FAM76A: variants seen among roughly 807,000 people sequenced by gnomAD.
The protein encoded by FAM76A is family with sequence similarity 76 member A.
Under a neutral mutation model 46.2 loss-of-function variants are expected in FAM76A, and 32 were observed. That is an observed-to-expected ratio of 0.69 (90% CI 0.52 to 0.93). The LOEUF (loss-of-function observed/expected upper bound fraction) is 0.93, where lower values mean the gene tolerates loss of function less well. Ranked by LOEUF, FAM76A falls within the 40% of genes least tolerant of loss-of-function variation. The pLI is 0.00. For synonymous variants in FAM76A, 137 were observed against 127.0 expected (o/e 1.08, Z -0.53); for missense variants, 274 against 361.5 (o/e 0.76, Z 1.96).
At chr1:27,755,062 G>A in intron 6 of FAM76A, 133 bp from the exon 7 acceptor site, 1 of 935,968 alleles carries the variant, frequency 1.1e-6, no homozygotes, top group Non-Finnish European at 1.6e-6. Context: ...CCCAGCATGT[G>A]TGGTGCAATG....
At chr1:27,758,679 G>GTTT (rs35065746) in intron 7 of FAM76A, among the ~76,000 whole-genome samples, 17 of 111,330 alleles carry the variant, frequency 1.5e-4, no homozygotes, top group South Asian at 3.1e-4. Flanking sequence ...TTTAATTTTC[G>GTTT]TTTTTTTTTT....
chr1:27,727,653 TAATC>T (rs1331219690), intron 2 of FAM76A, 117 bp downstream of exon 2: 2 of 746,342 alleles, frequency 2.7e-6, no homozygotes, highest in Non-Finnish European at 4.6e-6. Flanking sequence ...TACAGATCTG[TAATC>T]AATCACATTA....
rs1277161521 is a variant in FAM76A, at chr1:27,762,648, GT to G, written c.*2071del. 6.6e-6 allele frequency: 1 copy of G among 152,068 alleles called. No homozygotes were observed. The highest frequency in any genetic ancestry group is 1.5e-5 in the Non-Finnish European group (1 of 68,012). The allele number at this position is 152,068 out of a possible 1,614,324, so 9.4% of individuals were successfully genotyped here. ...GCAAGGGAAATGGCAGTGCTAAATA[GT>G]TTTGTAAAGTTTTTGAATGAGAAGC... On this transcript the variant is annotated 3_prime_UTR_variant, in exon 9 of 9. Coordinates refer to ENST00000373954, the MANE Select transcript of FAM76A (RefSeq NM_152660.3).
intron 4 of FAM76A, among the ~76,000 whole-genome samples, chr1:27,735,453 G>A (rs1420472023): frequency 6.6e-6 from 1 of 152,210 alleles, no homozygotes; most frequent in Admixed American, 6.5e-5. Context: ...AAAGATGGCA[G>A]TTGAGAAACT....
chr1:27,748,091 A>G (rs1050916157), intron 5 of FAM76A, among the ~76,000 whole-genome samples: 1 of 150,322 alleles, frequency 6.7e-6, no homozygotes, highest in East Asian at 1.9e-4. Context: ...GAATTATAAG[A>G]TGCATGTGAG....
intron 5 of FAM76A, among the ~76,000 whole-genome samples, chr1:27,746,197 T>G (rs74065617): frequency 0.17 from 26,310 of 152,064 alleles, 6,010 homozygotes; most frequent in African/African-American, 0.52. Flanking sequence ...GGATGGAGAA[T>G]TATGAGAAAC....
intron 5 of FAM76A, among the ~76,000 whole-genome samples, chr1:27,747,744 C>T (rs538783170): frequency 5.1e-4 from 78 of 152,056 alleles, no homozygotes; most frequent in Non-Finnish European, 4.9e-4. Flanking sequence ...TGGTGAAACC[C>T]GTCTCTACCA....
intron 6 of FAM76A, among the ~76,000 whole-genome samples, chr1:27,750,707 C>T (rs1187122460): frequency 6.6e-6 from 1 of 152,170 alleles, no homozygotes; most frequent in Non-Finnish European, 1.5e-5. Context: ...TGAGATACTG[C>T]CACTATTCTT....
At chr1:27,733,277 C>T (rs1294701622) in intron 3 of FAM76A, among the ~76,000 whole-genome samples, 2 of 152,106 alleles carry the variant, frequency 1.3e-5, no homozygotes, top group African/African-American at 4.8e-5. Flanking sequence ...TAACAGTTGA[C>T]TAGTCATTTT....
intron 4 of FAM76A, among the ~76,000 whole-genome samples, chr1:27,741,756 G>T (rs184905413): frequency 6.6e-6 from 1 of 151,670 alleles, no homozygotes; most frequent in Non-Finnish European, 1.5e-5. Flanking sequence ...GGTGGTGGGC[G>T]CCTGTAATCC....
chr1:27,749,028 T>G (rs1213519631), intron 5 of FAM76A, 40 bp from the exon 6 acceptor site: 12 of 1,351,502 alleles, frequency 8.9e-6, no homozygotes, highest in Non-Finnish European at 1.1e-5. Flanking sequence ...TGTTAATCTT[T>G]GATTTCTAAT....
intron 8 of FAM76A, 141 bp downstream of exon 8, chr1:27,759,768 T>TTTTTTTTTTTGTA (rs1557789979): frequency 4.8e-6 from 3 of 622,580 alleles, no homozygotes; most frequent in African/African-American, 4.4e-5. Context: ...CCTTTTAGGT[T>TTTTTTTTTTTGTA]TTTTTTTTTT....
intron 7 of FAM76A, 122 bp downstream of exon 7, chr1:27,755,452 C>G (rs2088395113): frequency 2.3e-6 from 3 of 1,290,846 alleles, no homozygotes; most frequent in Admixed American, 3.6e-5. Context: ...GTTGGGATAT[C>G]CTGGGGAGAG....
At chr1:27,727,943 G>A (rs1049982799) in intron 2 of FAM76A, among the ~76,000 whole-genome samples, 7 of 151,350 alleles carry the variant, frequency 4.6e-5, no homozygotes, top group African/African-American at 1.7e-4. Flanking sequence ...AAGTAGCTGA[G>A]ATTACAGGTG....
intron 4 of FAM76A, among the ~76,000 whole-genome samples, chr1:27,742,115 A>G (rs375527566): frequency 3.3e-5 from 5 of 152,178 alleles, no homozygotes; most frequent in Non-Finnish European, 5.9e-5. Flanking sequence ...GCTTTTGCCA[A>G]TGAAATAAAA....
chr1:27,756,676 C>T (rs1007040410), intron 7 of FAM76A, among the ~76,000 whole-genome samples: 1 of 151,874 alleles, frequency 6.6e-6, no homozygotes, highest in African/African-American at 2.4e-5. Context: ...AGAATAAGAC[C>T]AGTCTTATTA....
At position 27,761,885 on chromosome 1, in the gene FAM76A, A is replaced by G. The variant is rs2088514843; in HGVS notation, c.*1304A>G. ...AGGCTGAGGCAGGAGAACTGCTCGA[A>G]TCCCGGGAGGCAGAGGTTGCAATGA... On this transcript the variant is annotated 3_prime_UTR_variant, in exon 9 of 9. Coordinates refer to ENST00000373954, the MANE Select transcript of FAM76A (RefSeq NM_152660.3). 6.6e-6 allele frequency: 1 copy of G among 151,238 alleles called. No individual in the cohort carries two copies. Among genetic ancestry groups the G allele is most frequent in the Non-Finnish European group, 1.5e-5 (1 of 67,974 alleles). The allele number at this position is 151,238 out of a possible 1,614,324, so 9.4% of individuals were successfully genotyped here.
At chr1:27,741,503 A>G (rs2088152772) in intron 4 of FAM76A, among the ~76,000 whole-genome samples, 1 of 152,016 alleles carries the variant, frequency 6.6e-6, no homozygotes. Flanking sequence ...TAAGGTTACA[A>G]ACAGAAATGT....
intron 7 of FAM76A, among the ~76,000 whole-genome samples, chr1:27,758,095 C>T (rs918994337): frequency 5.3e-5 from 8 of 151,918 alleles, no homozygotes; most frequent in East Asian, 3.9e-4. Context: ...ATGTTGTTTT[C>T]TGCCAAGTTC....
Sources: gnomAD v4.1 joint callset for allele counts (sites outside exome capture counted in the v4.1 genomes callset) on GRCh38, gnomAD v4.1.1 for gene constraint, MANE v1.5 for transcripts, NCBI Gene and HGNC (gene_info 2026-07-23, HGNC 2026-07-21) for gene names.